MEF2A: variants seen among roughly 807,000 people sequenced by gnomAD.
The protein encoded by MEF2A is myocyte enhancer factor 2A.
A neutral mutation model predicts 55.8 loss-of-function variants in MEF2A; 28 were observed. The ratio of observed to expected loss-of-function variants is 0.50; its 90% confidence interval spans 0.37 to 0.69. The LOEUF is 0.69. MEF2A is among the 30% of genes least tolerant of loss of function. The pLI is 0.00. For synonymous variants in MEF2A, 239 were observed against 227.1 expected (o/e 1.05, Z -0.47); for missense variants, 528 against 626.2 (o/e 0.84, Z 1.67).
chr15:99,592,655 G>A (rs1969725312), intron 1 of MEF2A, among the ~76,000 whole-genome samples: 1 of 152,152 alleles, frequency 6.6e-6, no homozygotes, highest in Non-Finnish European at 1.5e-5. Context: ...GGGAAAAGGG[G>A]AGCAAGCTTG....
chr15:99,566,259 C>T (rs932630437), intron 1 of MEF2A, among the ~76,000 whole-genome samples, 155 bp downstream of exon 1: 1 of 118,574 alleles, frequency 8.4e-6, no homozygotes, highest in East Asian at 2.6e-4. Context: ...CCGGGGACCC[C>T]TGGACGAGGC....
intron 4 of MEF2A, among the ~76,000 whole-genome samples, chr15:99,648,492 G>T (rs1458280073): frequency 6.6e-6 from 1 of 151,934 alleles, no homozygotes; most frequent in African/African-American, 2.4e-5. Flanking sequence ...TAAAATAGAG[G>T]CATGAACAGT....
At position 99,712,326 on chromosome 15, in the gene MEF2A, G is replaced by A. The variant is rs911489478; in HGVS notation, c.1137-64G>A. On this transcript the variant is annotated intron_variant, in intron 11 of 11. Coordinates refer to ENST00000557942, the MANE Select transcript of MEF2A (RefSeq NM_001319206.4). The surrounding 1 kb of genome is among the most constrained non-coding windows in gnomAD (Gnocchi z 4.1). ...TTTTCCATCAGGCAGTGTCTCTACTGTATCATCCCAGTTTTGCAGAGGTAC... is the reference window on the plus strand; with the variant it reads ...TTTTCCATCAGGCAGTGTCTCTACTATATCATCCCAGTTTTGCAGAGGTAC... 14 of 1,473,656 alleles carry A rather than the reference G, an allele frequency of 9.5e-6. No individual in the cohort carries two copies. Among genetic ancestry groups the A allele is most frequent in the African/African-American group, 5.6e-5 (4 of 71,128 alleles). The allele number at this position is 1,473,656 out of a possible 1,614,324, so 91.3% of individuals were successfully genotyped here. A position where few individuals can be genotyped will look rare whatever the true frequency, so the allele number is the denominator to read the frequency against.
At chr15:99,621,273 G>T (rs1177776221) in intron 2 of MEF2A, among the ~76,000 whole-genome samples, 1 of 152,092 alleles carries the variant, frequency 6.6e-6, no homozygotes, top group East Asian at 1.9e-4. Context: ...CAGTATTGTA[G>T]GGACAGGCCA....
intron 3 of MEF2A, among the ~76,000 whole-genome samples, chr15:99,638,581 T>A (rs2044313245): frequency 6.6e-6 from 1 of 152,206 alleles, no homozygotes; most frequent in African/African-American, 2.4e-5. Flanking sequence ...AATTAACTGA[T>A]AAAACAGCCT....
intron 2 of MEF2A, among the ~76,000 whole-genome samples, chr15:99,625,075 A>G (rs945585782): frequency 1.3e-5 from 2 of 152,198 alleles, no homozygotes; most frequent in African/African-American, 4.8e-5. Flanking sequence ...CGTTTAAGAT[A>G]GGATAGGCTA....
chr15:99,655,284 A>G (rs1266842799), intron 4 of MEF2A, among the ~76,000 whole-genome samples: 1 of 152,228 alleles, frequency 6.6e-6, no homozygotes, highest in Non-Finnish European at 1.5e-5. Flanking sequence ...AGTCTTTTCA[A>G]TAAATGGTGC....
In MEF2A at chr15:99,608,762, G is replaced by T. The variant is rs563964597; in HGVS notation, c.-143+10251G>T. Among the ~76,000 whole-genome samples, 22 of 152,196 alleles carry T rather than the reference G, an allele frequency of 1.4e-4. No individual in the cohort carries two copies. In the South Asian group the frequency reaches 2.3e-3, roughly 16 times the overall value. ...TAAAAATACAAAAAGTTAGCTGGGC[G>T]TGATGGCAGGCGTCTGTAATCCCAG... On this transcript the variant is annotated intron_variant, in intron 2 of 11. Transcript: ENST00000557942.
chr15:99,663,765 A>G (rs899761714), intron 4 of MEF2A, among the ~76,000 whole-genome samples: 3 of 152,190 alleles, frequency 2.0e-5, no homozygotes, highest in African/African-American at 7.2e-5. Flanking sequence ...AAACCTCAAC[A>G]TACTTAAAAA....
intron 1 of MEF2A, among the ~76,000 whole-genome samples, chr15:99,576,734 A>G (rs1368450021): frequency 2.0e-5 from 3 of 150,394 alleles, no homozygotes; most frequent in African/African-American, 7.4e-5. Context: ...TCCGCCTCCC[A>G]GGTTCACGCC....
intron 7 of MEF2A, among the ~76,000 whole-genome samples, chr15:99,678,414 T>A (rs2052540289): frequency 2.0e-5 from 3 of 152,240 alleles, no homozygotes; most frequent in Admixed American, 2.0e-4. Context: ...TCTACTTGTT[T>A]TAAATACGTT....
intron 7 of MEF2A, among the ~76,000 whole-genome samples, chr15:99,682,186 TC>T (rs2053373830): frequency 6.6e-6 from 1 of 152,178 alleles, no homozygotes. Context: ...ATGCATTATT[TC>T]AGCTGATGTG....
intron 2 of MEF2A, among the ~76,000 whole-genome samples, chr15:99,616,490 T>C (rs1214044085): frequency 6.6e-6 from 1 of 152,180 alleles, no homozygotes; most frequent in Non-Finnish European, 1.5e-5. Flanking sequence ...GCATCTTAAA[T>C]ATTGGCTTCT....
chr15:99,588,363 A>G (rs893551307), intron 1 of MEF2A, among the ~76,000 whole-genome samples: 10 of 151,126 alleles, frequency 6.6e-5, no homozygotes, highest in Admixed American at 1.3e-4. Context: ...GTGCAGTGGC[A>G]CGATCTTGGC....
intron 2 of MEF2A, among the ~76,000 whole-genome samples, chr15:99,608,224 CA>C (rs1008655571): frequency 4.0e-5 from 6 of 151,158 alleles, no homozygotes; most frequent in South Asian, 2.1e-4. Context: ...ATTGACATTA[CA>C]AAAAAAAATT....
intron 10 of MEF2A, among the ~76,000 whole-genome samples, chr15:99,709,997 A>G (rs2058448605): frequency 6.6e-6 from 1 of 152,160 alleles, no homozygotes; most frequent in Non-Finnish European, 1.5e-5. Context: ...CTTCATTAAG[A>G]CTTGCTGATT....
intron 1 of MEF2A, among the ~76,000 whole-genome samples, chr15:99,567,162 C>G (rs1482092674): frequency 6.6e-6 from 1 of 152,230 alleles, no homozygotes; most frequent in Non-Finnish European, 1.5e-5. Flanking sequence ...CCGTGTGTAG[C>G]TTGAATATAA....
At position 99,698,520 on chromosome 15, in the gene MEF2A, C is replaced by G. The variant is rs561493565; in HGVS notation, c.859-4842C>G. ...TTTAAGAAAACGCAACGGCTGGGCG[C>G]GGTGGCTCACACCTGTAATCCCAGC... On this transcript the variant is annotated intron_variant, in intron 8 of 11. Coordinates refer to ENST00000557942, the MANE Select transcript of MEF2A (RefSeq NM_001319206.4). Among the ~76,000 whole-genome samples the G allele has an allele frequency of 6.6e-5, 10 of 152,174 alleles. No homozygotes were observed. The East Asian group carries it at 1.9e-3, about 29-fold the overall frequency.
At chr15:99,646,569 G>C (rs1156574725) in intron 4 of MEF2A, among the ~76,000 whole-genome samples, 1 of 152,072 alleles carries the variant, frequency 6.6e-6, no homozygotes, top group Admixed American at 6.5e-5. Flanking sequence ...TAATAGAAAA[G>C]TATTAGGCAT....
Sources: allele counts gnomAD v4.1 joint callset (sites outside exome capture counted in the v4.1 genomes callset), GRCh38; gene constraint gnomAD v4.1.1; non-coding constraint Gnocchi (gnomAD v3.1); transcripts MANE v1.5; gene names NCBI Gene and HGNC (gene_info 2026-07-23, HGNC 2026-07-21).